ANKRD11: variants seen among roughly 807,000 people sequenced by gnomAD.
ANKRD11 encodes the protein ankyrin repeat domain 11.
Under a neutral mutation model 195.7 loss-of-function variants are expected in ANKRD11, and 17 were observed. The ratio of observed to expected loss-of-function variants is 0.09; its 90% CI spans 0.06 to 0.13. The LOEUF is 0.13. Among genes scored for constraint, ANKRD11 ranks in the 10% least tolerant of loss-of-function variants. The pLI is 1.00. For synonymous variants in ANKRD11, 1,953 were observed against 1,528.1 expected, an observed-to-expected ratio of 1.28 and a Z score of -6.49; for missense variants, 3,735 against 3,566.1, an observed-to-expected ratio of 1.05 and a Z score of -1.21.
chr16:89,405,491 ATTTTTTT>A lies in ANKRD11; in HGVS notation c.-60+12786_-60+12792del, dbSNP rs60792139. 4.5e-5 allele frequency among the ~76,000 whole-genome samples: 5 copies of A among 111,458 alleles called. No individual in the cohort carries two copies. The East Asian group carries it at 7.4e-4, about 17-fold the overall frequency. The allele number at this position is 111,458 out of a possible 152,430, so 73.1% of individuals were successfully genotyped here. A position where few individuals can be genotyped will look rare whatever the true frequency, so the allele number is the denominator to read the frequency against. ...AGGCACGTGCCACCACACCTGGCTCATTTTTTTTTTTTTTTTTTTTTGGTAGAGACAG... is the reference window on the plus strand; with the variant it reads ...AGGCACGTGCCACCACACCTGGCTCATTTTTTTTTTTTTTGGTAGAGACAG... On this transcript the variant is annotated intron_variant, in intron 2 of 12. Transcript: ENST00000301030.
chr16:89,344,824 C>T lies in ANKRD11; in HGVS notation c.-59-27746G>A, dbSNP rs1048142215. On this transcript the variant is annotated intron_variant, in intron 2 of 12. Coordinates refer to ENST00000301030, the MANE Select transcript of ANKRD11 (RefSeq NM_013275.6). ...GCAGCAGCTCCCACCCAATAGCAGA[C>T]GAGGCGTGAGACTCTCAACCACCTT... Among the ~76,000 whole-genome samples, 7 of 152,284 alleles carry T rather than the reference C, an allele frequency of 4.6e-5. No individual in the cohort carries two copies. The East Asian group carries it at 9.6e-4, about 21-fold the overall frequency.
Position 89,281,539 on chromosome 16 carries a change from A to C in ANKRD11, c.5003T>G (p.Leu1668Arg). 1 of 1,614,104 alleles carries C rather than the reference A, an allele frequency of 6.2e-7. No homozygotes were observed. The highest frequency in any genetic ancestry group is 8.5e-7 in the Non-Finnish European group (1 of 1,180,018). ...GGAGTCTGCACCTGATGCTGGGTGT[A>C]GCTTATTTTCCGCGGCAGGTGGAAT... ...TPIPPAAENK[L>R]HPASGADSKD... Residue 1668 changes from leucine to arginine, a missense_variant, in exon 9 of 13, where the codon CTA (leucine) becomes CGA (arginine). By Grantham distance (102) the Leu-to-Arg change is moderately radical. Transcript: ENST00000301030. This position sits in a 1 kb window ranked among gnomAD's most constrained non-coding sequence, Gnocchi z 5.5.
chr16:89,304,933 C>T (rs1251199773), intron 4 of ANKRD11, among the ~76,000 whole-genome samples: 4 of 152,222 alleles, frequency 2.6e-5, no homozygotes, highest in African/African-American at 9.7e-5. Context: ...CATACCTCGC[C>T]CAGGGCTGGA....
intron 2 of ANKRD11, among the ~76,000 whole-genome samples, chr16:89,371,434 G>A (rs1023654310): frequency 6.6e-6 from 1 of 152,224 alleles, no homozygotes; most frequent in Admixed American, 6.5e-5. Context: ...CTCGGTGCAT[G>A]GAGGCCAGAG....
intron 2 of ANKRD11, among the ~76,000 whole-genome samples, chr16:89,359,503 C>G (rs1403273862): frequency 6.6e-6 from 1 of 152,226 alleles, no homozygotes; most frequent in Non-Finnish European, 1.5e-5. Context: ...GATGGCAGCA[C>G]TGTGACCTCA....
At chr16:89,479,461 C>T (rs1024853898) in intron 1 of ANKRD11, among the ~76,000 whole-genome samples, 1 of 151,344 alleles carries the variant, frequency 6.6e-6, no homozygotes, top group Non-Finnish European at 1.5e-5. Flanking sequence ...GGAGAAACCC[C>T]ATGTCTACTA....
intron 1 of ANKRD11, among the ~76,000 whole-genome samples, chr16:89,424,094 C>T (rs1018722969): frequency 3.9e-5 from 6 of 152,084 alleles, no homozygotes; most frequent in Non-Finnish European, 5.9e-5. Context: ...AAACTACCTG[C>T]TGTGACTGCC....
chr16:89,370,925 C>A (rs1296211473), intron 2 of ANKRD11, among the ~76,000 whole-genome samples: 3 of 152,156 alleles, frequency 2.0e-5, no homozygotes, highest in Admixed American at 6.5e-5. Flanking sequence ...CCTGCAGGCG[C>A]CACGAGACGC....
At chr16:89,346,149 T>C (rs1270702235) in intron 2 of ANKRD11, among the ~76,000 whole-genome samples, 1 of 148,148 alleles carries the variant, frequency 6.8e-6, no homozygotes, top group East Asian at 2.0e-4. Context: ...CTCGGGAGGC[T>C]GAGGCAGGAG....
intron 1 of ANKRD11, among the ~76,000 whole-genome samples, chr16:89,440,209 T>G (rs1486735044): frequency 6.6e-6 from 1 of 152,202 alleles, no homozygotes; most frequent in Non-Finnish European, 1.5e-5. Flanking sequence ...GAATTCAGTG[T>G]GCTGTAATTA....
Position 89,278,191 on chromosome 16 carries a change from G to A in ANKRD11, c.7470+881C>T, listed in dbSNP as rs932778378. 3.9e-5 allele frequency: 12 copies of A among 309,396 alleles called. No individual in the cohort carries two copies. In the Admixed American group the frequency reaches 4.2e-4, roughly 11 times the overall value. The allele number at this position is 309,396 out of a possible 1,614,324, so 19.2% of individuals were successfully genotyped here. A position where few individuals can be genotyped will look rare whatever the true frequency, so the allele number is the denominator to read the frequency against. On this transcript the variant is annotated intron_variant, in intron 9 of 12. Transcript: ENST00000301030. ...GCTGGGGCTGGATGGACCCTGGGGG[G>A]CCTGAGAACAGGAGGGCAGGGGAGG...
chr16:89,323,977 A>G (rs2037530991), intron 2 of ANKRD11: 1 of 220,804 alleles, frequency 4.5e-6, no homozygotes, highest in Non-Finnish European at 9.1e-6. Context: ...CTGCACCCCA[A>G]AATTCACAGG....
intron 2 of ANKRD11, among the ~76,000 whole-genome samples, chr16:89,344,415 G>A (rs760173363): frequency 5.3e-5 from 8 of 152,232 alleles, no homozygotes; most frequent in South Asian, 2.1e-4. Context: ...TCCAGACCCC[G>A]TCAGGGCCAA....
chr16:89,433,026 TATGGAC>T (rs1395593529), intron 1 of ANKRD11, among the ~76,000 whole-genome samples: 1 of 150,870 alleles, frequency 6.6e-6, no homozygotes, highest in Admixed American at 6.6e-5. Context: ...ACACGAAATA[TATGGAC>T]ACAGGCCACA....
Position 89,328,896 on chromosome 16 carries a change from A to C in ANKRD11, c.-59-11818T>G, listed in dbSNP as rs77970060. The C allele has an allele frequency of 1.4e-3, 122 of 88,932 alleles. 2 individuals are homozygous for C. Among genetic ancestry groups the C allele is most frequent in the African/African-American group, 6.3e-3 (113 of 18,022 alleles). 5.5% of individuals were successfully genotyped at this position (88,932 alleles called of 1,614,324 possible). A position where few individuals can be genotyped will look rare whatever the true frequency, so the allele number is the denominator to read the frequency against. On this transcript the variant is annotated intron_variant, in intron 2 of 12. Coordinates refer to ENST00000301030, the MANE Select transcript of ANKRD11 (RefSeq NM_013275.6). ...TGCTGAGTGAGTGGACATACCCAGG[A>C]GCACGGGCGAAATCAGTGGAGGCCC...
Position 89,378,172 on chromosome 16 carries a change from A to G in ANKRD11, c.-60+40112T>C, listed in dbSNP as rs116187951. 3.8e-3 allele frequency among the ~76,000 whole-genome samples: 579 copies of G among 152,324 alleles called. 2 individuals are homozygous for G. The highest frequency in any genetic ancestry group is 0.013 in the African/African-American group (559 of 41,570). ...TGAGACCAGCCTGGGCAACATGGCA[A>G]GCGAGACTCTGTCTCTTTAAGAAGC... is the stretch of plus-strand genomic sequence containing the variant. On this transcript the variant is annotated intron_variant, in intron 2 of 12. Coordinates refer to ENST00000301030, the MANE Select transcript of ANKRD11 (RefSeq NM_013275.6).
At chr16:89,330,550 G>A (rs1391467863) in intron 2 of ANKRD11, among the ~76,000 whole-genome samples, 1 of 151,704 alleles carries the variant, frequency 6.6e-6, no homozygotes, top group African/African-American at 2.4e-5. Context: ...AGTCATTGAT[G>A]GGGTGGTGTG....
At chr16:89,337,708 G>T (rs796169564) in intron 2 of ANKRD11, among the ~76,000 whole-genome samples, 1 of 152,086 alleles carries the variant, frequency 6.6e-6, no homozygotes, top group Admixed American at 6.5e-5. Context: ...CCAAAGTGCT[G>T]GGATTACAGG....
In ANKRD11 at chr16:89,284,810, C is replaced by A; in HGVS notation, c.1732G>T (p.Asp578Tyr). The change falls in exon 9 of 13, where the codon GAC becomes TAC. Residue 578 changes from aspartate to tyrosine, a missense_variant. Physicochemically the swap from Asp to Tyr is radical, Grantham distance 160 (BLOSUM62 -3). Coordinates refer to ENST00000301030, the MANE Select transcript of ANKRD11 (RefSeq NM_013275.6). ...STRTRLTSESDYSSEGSSVES... is the reference protein window; with the variant it reads ...STRTRLTSESYYSSEGSSVES... ...ACACTGGAGCCCTCAGAGGAGTAGT[C>A]AGACTCGCTTGTCAGTCTCGTCCTT... 6.2e-7 allele frequency: 1 copy of A among 1,613,766 alleles called. No homozygotes were observed. Among genetic ancestry groups the A allele is most frequent in the Non-Finnish European group, 8.5e-7 (1 of 1,180,032 alleles).
Sources: allele counts gnomAD v4.1 joint callset (sites outside exome capture counted in the v4.1 genomes callset), GRCh38; gene constraint gnomAD v4.1.1; non-coding constraint Gnocchi (gnomAD v3.1); transcripts MANE v1.5; gene names NCBI Gene and HGNC (gene_info 2026-07-23, HGNC 2026-07-21).